Variants in PTPRA observed in about 807,000 individuals in gnomAD.
PTPRA encodes the protein receptor-type tyrosine-protein phosphatase alpha.
In PTPRA, 25 loss-of-function variants were observed where a neutral mutation model predicts 104.8. The ratio of observed to expected loss-of-function variants is 0.24; its 90% CI spans 0.17 to 0.33. The LOEUF (loss-of-function observed/expected upper bound fraction) is 0.33. PTPRA is among the 10% of genes least tolerant of loss of function. The pLI, the probability that PTPRA is intolerant of heterozygous loss-of-function variation, is 1.00. For missense variants in PTPRA, 765 were observed against 1,015.3 expected (o/e 0.75, Z 3.35); for synonymous variants, 323 against 368.9 (o/e 0.88, Z 1.43).
At chr20:2,999,450 A>G (rs987785502) in intron 9 of PTPRA, among the ~76,000 whole-genome samples, 1 of 152,248 alleles carries the variant, frequency 6.6e-6, no homozygotes, top group Non-Finnish European at 1.5e-5. Context: ...CTTACCAGAT[A>G]TAAAGAGATT....
chr20:2,990,052 A>C lies in PTPRA; in HGVS notation c.738+1578A>C, dbSNP rs1228238939. On this transcript the variant is annotated intron_variant, in intron 9 of 23. Coordinates refer to ENST00000399903, the MANE Select transcript of PTPRA (RefSeq NM_001385305.1). ...AAAAATGACTCTGGCTTCTGTAAGG[A>C]GAATAGCCCATGGGCAGACCAGAAT... Among the ~76,000 whole-genome samples, 5 of 152,122 alleles carry C rather than the reference A, an allele frequency of 3.3e-5. No homozygotes were observed. In the East Asian group the frequency reaches 9.7e-4, roughly 29 times the overall value.
At chr20:2,964,626 T>G (rs997259465) in intron 4 of PTPRA, among the ~76,000 whole-genome samples, 19 of 152,220 alleles carry the variant, frequency 1.2e-4, no homozygotes, top group African/African-American at 3.4e-4. Context: ...ATATGGTTTC[T>G]GAGGAACTAA....
intron 1 of PTPRA, among the ~76,000 whole-genome samples, chr20:2,878,570 A>G (rs2089877352): frequency 6.6e-6 from 1 of 152,120 alleles, no homozygotes; most frequent in Non-Finnish European, 1.5e-5. Context: ...TTTTGCTATT[A>G]TAAATGGTAC....
At chr20:3,008,636 A>T (rs1448863084) in intron 11 of PTPRA, among the ~76,000 whole-genome samples, 2 of 150,968 alleles carry the variant, frequency 1.3e-5, no homozygotes, top group African/African-American at 4.8e-5. Flanking sequence ...GCACACCTGT[A>T]ATCTCAGCAC....
chr20:2,988,085 A>G lies in PTPRA; in HGVS notation c.581A>G (p.Asn194Ser). Residue 194 changes from asparagine to serine, a missense_variant, in exon 8 of 24, where the codon AAC (asparagine) becomes AGC (serine). By Grantham distance (46) the Asn-to-Ser change is conservative. Transcript: ENST00000399903. Reference protein sequence around the residue: ...GSHSNSFRLSNGRTEDVEPQS... With the variant: ...GSHSNSFRLSSGRTEDVEPQS... ...CATTCCAATTCTTTCCGCTTATCCA[A>G]CGGCCGCACTGAGGATGTGGGTAAG... 1.3e-6 allele frequency: 2 copies of G among 1,588,322 alleles called. No homozygotes were observed. Among genetic ancestry groups the G allele is most frequent in the East Asian group, 2.2e-5 (1 of 44,760 alleles).
intron 3 of PTPRA, among the ~76,000 whole-genome samples, chr20:2,961,021 C>T (rs2061737158): frequency 6.6e-6 from 1 of 151,994 alleles, no homozygotes. Context: ...CTTATTTATC[C>T]ATTCGCCTGC....
rs146240913 is a variant in PTPRA, at chr20:2,975,605, T to A, written c.442+364T>A. Among the ~76,000 whole-genome samples the A allele has an allele frequency of 2.3e-3, 355 of 152,372 alleles. No homozygotes were observed. The Middle Eastern group carries it at 0.024, about 10-fold the overall frequency. On this transcript the variant is annotated intron_variant, in intron 6 of 23. Transcript: ENST00000399903. ...CACAGTTCCCTTTAAATATTCTTTG[T>A]GTTGTTTTTCCCCTAGTGTATAAAA...
chr20:2,911,131 A>C (rs544213347), intron 1 of PTPRA, among the ~76,000 whole-genome samples: 1 of 152,092 alleles, frequency 6.6e-6, no homozygotes, highest in Non-Finnish European at 1.5e-5. Flanking sequence ...ATATTTATTA[A>C]TAGAAGCAAG....
rs187590393 is a variant in PTPRA at position 3,016,955 on chromosome 20, T to C, written c.944-861T>C. 3.5e-3 allele frequency among the ~76,000 whole-genome samples: 537 copies of C among 152,268 alleles called. 9 individuals are homozygous for C. Among genetic ancestry groups the C allele is most frequent in the Admixed American group, 5.0e-3 (76 of 15,290 alleles). On this transcript the variant is annotated intron_variant, in intron 12 of 23. Transcript: ENST00000399903. ...TCCCCATTCTCCCAGAAGAGTCAAA[T>C]CACAATTTGGGGTTAAGGTATTTAT... is the stretch of plus-strand genomic sequence containing the variant.
intron 2 of PTPRA, among the ~76,000 whole-genome samples, chr20:2,935,950 C>G (rs899258497): frequency 2.6e-5 from 4 of 151,386 alleles, no homozygotes; most frequent in Admixed American, 2.6e-4. Flanking sequence ...ACCCGGGAGG[C>G]AGAGGTTGCA....
chr20:3,032,568 C>A lies in PTPRA; in HGVS notation c.1921-3017C>A, dbSNP rs190075012. ...GGATCACAAAGTCAGGAGATCGAGA[C>A]CAGCCTGGCCAACATGGCAAAACCC... On this transcript the variant is annotated intron_variant, in intron 20 of 23. Transcript: ENST00000399903. Among the ~76,000 whole-genome samples the A allele has an allele frequency of 1.5e-3, 232 of 150,902 alleles. 3 individuals carry two copies. The highest frequency in any genetic ancestry group is 5.1e-3 in the African/African-American group (211 of 41,434).
At chr20:2,997,896 A>G (rs1209624170) in intron 9 of PTPRA, among the ~76,000 whole-genome samples, 2 of 152,212 alleles carry the variant, frequency 1.3e-5, no homozygotes, top group African/African-American at 4.8e-5. Flanking sequence ...TTGGGAAGCC[A>G]ATGCGGGAAG....
rs61742029 is a variant in PTPRA, at chr20:3,035,681, G to C, written c.2017G>C (p.Val673Leu). The change falls in exon 21 of 24, where the codon GTC becomes CTC. Residue 673 changes from valine (V) to leucine (L), a missense_variant. Coordinates refer to ENST00000399903, the MANE Select transcript of PTPRA (RefSeq NM_001385305.1). This position sits in a 1 kb window ranked among gnomAD's most constrained non-coding sequence, Gnocchi z 5.8. ...KKEEECESYTVRDLLVTNTRE... is the reference protein window; with the variant it reads ...KKEEECESYTLRDLLVTNTRE... Reference sequence around the variant, plus strand: ...GGAGGAGGAATGTGAGAGCTACACCGTCCGAGACCTCCTGGTCACCAACAC... The same window carrying C: ...GGAGGAGGAATGTGAGAGCTACACCCTCCGAGACCTCCTGGTCACCAACAC... 1.1e-4 allele frequency: 183 copies of C among 1,614,212 alleles called. No homozygotes were observed. In the African/African-American group the frequency reaches 2.0e-3, roughly 18 times the overall value.
intron 17 of PTPRA, 150 bp from the exon 18 acceptor site, chr20:3,026,537 G>C (rs1418883669): frequency 1.6e-6 from 1 of 617,782 alleles, no homozygotes; most frequent in Non-Finnish European, 2.9e-6. Flanking sequence ...CAGGGTTCCA[G>C]CTGAACATAT....
intron 10 of PTPRA, among the ~76,000 whole-genome samples, chr20:3,005,777 A>T (rs1179504617): frequency 2.6e-5 from 4 of 151,964 alleles, no homozygotes; most frequent in Non-Finnish European, 5.9e-5. Flanking sequence ...GGTGGTAGAG[A>T]TGGTTTTTTG....
At chr20:2,926,769 C>CTTTTTTTTTTTTTTTT (rs777386962) in intron 2 of PTPRA, among the ~76,000 whole-genome samples, 244 of 85,034 alleles carry the variant, frequency 2.9e-3, no homozygotes, top group Middle Eastern at 0.011. Flanking sequence ...TTTCCTTTTC[C>CTTTTTTTTTTTTTTTT]TTTTTTTTTT....
intron 3 of PTPRA, among the ~76,000 whole-genome samples, chr20:2,953,481 C>T (rs1022724256): frequency 8.6e-5 from 13 of 151,622 alleles, no homozygotes; most frequent in South Asian, 2.1e-4. Context: ...TCTCGATCTC[C>T]GGACCTTGTG....
intron 13 of PTPRA, among the ~76,000 whole-genome samples, chr20:3,020,925 C>T (rs1388810375): frequency 6.6e-6 from 1 of 152,378 alleles, no homozygotes; most frequent in African/African-American, 2.4e-5. Context: ...TGGTGGCCCC[C>T]TCATAGCAGA....
intron 12 of PTPRA, among the ~76,000 whole-genome samples, chr20:3,016,163 C>T (rs1600257619): frequency 6.6e-6 from 1 of 152,212 alleles, no homozygotes; most frequent in Non-Finnish European, 1.5e-5. Context: ...TAATAAGGCC[C>T]TCTGTCCTTG....
Sources: gnomAD v4.1 joint callset for allele counts (sites outside exome capture counted in the v4.1 genomes callset) on GRCh38, gnomAD v4.1.1 for gene constraint, Gnocchi (gnomAD v3.1) non-coding constraint, MANE v1.5 for transcripts, NCBI Gene and HGNC (gene_info 2026-07-23, HGNC 2026-07-21) for gene names.